TAFA5: variants seen among roughly 807,000 people sequenced by gnomAD.
TAFA5 encodes the protein TAFA chemokine like family member 5, also known as chemokine-like protein TAFA-5.
A neutral mutation model predicts 15.3 loss-of-function variants in TAFA5; 6 were observed. The ratio of observed to expected loss-of-function variants is 0.39; its 90% confidence interval spans 0.21 to 0.77. The LOEUF is 0.77. TAFA5 is among the 30% of genes least tolerant of loss of function. The probability of loss-of-function intolerance (pLI) is 0.41; values close to 1 mark genes in which losing one functional copy is unlikely to be tolerated. For synonymous variants in TAFA5, 103 were observed against 80.7 expected (o/e 1.28, Z -1.48); for missense variants, 161 against 193.1 (o/e 0.83, Z 0.98).
At chr22:48,692,888 C>T (rs950678726) in intron 2 of TAFA5, among the ~76,000 whole-genome samples, 1 of 152,224 alleles carries the variant, frequency 6.6e-6, no homozygotes, top group African/African-American at 2.4e-5. Context: ...TGCTTGGGAC[C>T]TCAGGAGCCC....
chr22:48,717,032 C>T (rs1929421670), intron 3 of TAFA5, among the ~76,000 whole-genome samples: 1 of 152,140 alleles, frequency 6.6e-6, no homozygotes, highest in Non-Finnish European at 1.5e-5. Flanking sequence ...AAAATCTCTC[C>T]AGAACTGATG....
At chr22:48,563,402 C>A (rs1254867069) in intron 1 of TAFA5, among the ~76,000 whole-genome samples, 1 of 152,208 alleles carries the variant, frequency 6.6e-6, no homozygotes, top group Non-Finnish European at 1.5e-5. Flanking sequence ...GCCTCACTCA[C>A]CGGCAGTGTG....
chr22:48,565,892 TGATA>T (rs1367083163), intron 1 of TAFA5, among the ~76,000 whole-genome samples: 3 of 151,642 alleles, frequency 2.0e-5, no homozygotes, highest in East Asian at 2.0e-4. Flanking sequence ...GATGGATGGA[TGATA>T]GATAGATAGA....
chr22:48,585,850 GACAC>G (rs143322116), intron 1 of TAFA5, among the ~76,000 whole-genome samples: 9 of 151,486 alleles, frequency 5.9e-5, no homozygotes, highest in Non-Finnish European at 1.2e-4. Context: ...CACATGCCAA[GACAC>G]ACACACACAA....
intron 1 of TAFA5, among the ~76,000 whole-genome samples, chr22:48,626,967 C>A (rs115200729): frequency 6.6e-6 from 1 of 152,166 alleles, no homozygotes; most frequent in South Asian, 2.1e-4. Flanking sequence ...GTGGGATTGC[C>A]GGTCTTGTGG....
chr22:48,708,365 G>T (rs150847066), intron 3 of TAFA5, among the ~76,000 whole-genome samples: 1 of 152,158 alleles, frequency 6.6e-6, no homozygotes, highest in Admixed American at 6.5e-5. Context: ...GCTCCTCTCT[G>T]TCCCCCTGAG....
intron 1 of TAFA5, among the ~76,000 whole-genome samples, chr22:48,633,042 T>G (rs569738358): frequency 6.6e-6 from 1 of 152,134 alleles, no homozygotes; most frequent in East Asian, 1.9e-4. Flanking sequence ...TTGGCGAGGA[T>G]GAGTGAGGGT....
At chr22:48,629,660 T>C (rs1234817269) in intron 1 of TAFA5, among the ~76,000 whole-genome samples, 1 of 152,232 alleles carries the variant, frequency 6.6e-6, no homozygotes, top group Non-Finnish European at 1.5e-5. Context: ...TGATGATGTC[T>C]GGGGACAGCT....
At chr22:48,549,479 C>A (rs1922788451) in intron 1 of TAFA5, among the ~76,000 whole-genome samples, 1 of 152,118 alleles carries the variant, frequency 6.6e-6, no homozygotes, top group Non-Finnish European at 1.5e-5. Flanking sequence ...AGAAAGTGGC[C>A]CTAATTTGAA....
intron 1 of TAFA5, among the ~76,000 whole-genome samples, chr22:48,570,641 A>C (rs1271076264): frequency 2.0e-5 from 3 of 152,208 alleles, no homozygotes; most frequent in Admixed American, 2.0e-4. Context: ...AGTGAAAAAC[A>C]CGGAGGGCCT....
intron 3 of TAFA5, among the ~76,000 whole-genome samples, chr22:48,718,618 A>G (rs35327679): frequency 0.26 from 40,118 of 152,048 alleles, 5,595 homozygotes; most frequent in Admixed American, 0.36. Flanking sequence ...GAGCACAGCC[A>G]AGCCGGGGCC....
At chr22:48,731,517 A>G (rs1001961685) in intron 3 of TAFA5, among the ~76,000 whole-genome samples, 4 of 152,238 alleles carry the variant, frequency 2.6e-5, no homozygotes, top group African/African-American at 7.2e-5. Context: ...GTTAGAGGCT[A>G]ATGCAGCTGG....
chr22:48,575,314 G>A (rs1269748203), intron 1 of TAFA5, among the ~76,000 whole-genome samples: 1 of 151,588 alleles, frequency 6.6e-6, no homozygotes, highest in South Asian at 2.1e-4. Flanking sequence ...CCAGGCGGGG[G>A]CGCTGCAGGG....
chr22:48,590,129 G>A (rs571973342), intron 1 of TAFA5, among the ~76,000 whole-genome samples: 14 of 152,240 alleles, frequency 9.2e-5, no homozygotes, highest in African/African-American at 2.2e-4. Flanking sequence ...CAGATGCTCC[G>A]TCAGCATGAA....
chr22:48,497,338 C>T (rs1928367218), intron 1 of TAFA5, among the ~76,000 whole-genome samples: 2 of 152,312 alleles, frequency 1.3e-5, no homozygotes, highest in Admixed American at 6.5e-5. Flanking sequence ...TCCGCAGCCT[C>T]GCTGCTGGTT....
At chr22:48,629,479 G>T (rs1569054824) in intron 1 of TAFA5, among the ~76,000 whole-genome samples, 1 of 152,238 alleles carries the variant, frequency 6.6e-6, no homozygotes, top group African/African-American at 2.4e-5. Context: ...GCTGCTGCTG[G>T]CTTTGCTAAG....
At chr22:48,715,868 G>A (rs1288730093) in intron 3 of TAFA5, among the ~76,000 whole-genome samples, 4 of 152,224 alleles carry the variant, frequency 2.6e-5, no homozygotes, top group Admixed American at 6.5e-5. Context: ...AAGGAGTGTC[G>A]AGAAGCCTGG....
intron 1 of TAFA5, among the ~76,000 whole-genome samples, chr22:48,631,744 T>C (rs1041907027): frequency 1.3e-5 from 2 of 152,218 alleles, no homozygotes; most frequent in Admixed American, 6.5e-5. Flanking sequence ...GGGGGAAATC[T>C]GACGCCCTCC....
intron 3 of TAFA5, among the ~76,000 whole-genome samples, chr22:48,731,827 G>A (rs1399044198): frequency 6.6e-6 from 1 of 152,208 alleles, no homozygotes; most frequent in African/African-American, 2.4e-5. Context: ...CATCCATTCT[G>A]CAGCCCATGG....
Sources: gnomAD v4.1 joint callset for allele counts (sites outside exome capture counted in the v4.1 genomes callset) on GRCh38, gnomAD v4.1.1 for gene constraint, MANE v1.5 for transcripts, NCBI Gene and HGNC (gene_info 2026-07-23, HGNC 2026-07-21) for gene names.